BNC2: variants seen among roughly 807,000 people sequenced by gnomAD.
The protein encoded by BNC2 is basonuclin zinc finger protein 2.
BNC2 carries 20 observed loss-of-function variants against 76.3 expected under a neutral mutation model. That is an observed-to-expected ratio of 0.26 (90% CI 0.18 to 0.38). The LOEUF is 0.38. BNC2 is among the 10% of genes least tolerant of loss of function. The probability of loss-of-function intolerance (pLI) is 1.00; values close to 1 mark genes in which losing one functional copy is unlikely to be tolerated. For synonymous variants in BNC2, 582 were observed against 514.8 expected (o/e 1.13, Z -1.77); for missense variants, 1,382 against 1,399.8 (o/e 0.99, Z 0.20).
chr9:16,582,669 T>C (rs1479181591), intron 4 of BNC2, among the ~76,000 whole-genome samples: 8 of 152,296 alleles, frequency 5.3e-5, no homozygotes, highest in African/African-American at 1.2e-4. Flanking sequence ...AACTGTGGTA[T>C]GTTTGAGTTT....
chr9:16,778,541 C>T (rs2135523959), intron 1 of BNC2, among the ~76,000 whole-genome samples: 1 of 152,310 alleles, frequency 6.6e-6, no homozygotes, highest in South Asian at 2.1e-4. Context: ...TATTATGTGT[C>T]AGATACTTTC....
intron 6 of BNC2, among the ~76,000 whole-genome samples, chr9:16,424,729 T>C (rs1269386976): frequency 6.6e-6 from 1 of 152,192 alleles, no homozygotes; most frequent in Admixed American, 6.5e-5. Context: ...ATTGTAAGAC[T>C]ACTGAGTCAA....
chr9:16,583,084 G>C lies in BNC2; in HGVS notation c.332C>G (p.Ala111Gly), dbSNP rs754284081. Residue 111 changes from alanine (A) to glycine (G), a missense_variant and splice_region_variant, in exon 4 of 7, where the codon GCC becomes GGC. By Grantham distance (60) the Ala-to-Gly change is moderately conservative (BLOSUM62 0). Transcript: ENST00000380672. ...TNLLFRMSQQ[A>G]IRCTLVNCTC... ...GCAGTTTACCAGTGTGCAACGGATG[G>C]CCTGAAAAATAAAGGAGGAAAAAAA... 1.2e-6 allele frequency: 2 copies of C among 1,613,500 alleles called. No individual in the cohort carries two copies. The highest frequency in any genetic ancestry group is 2.2e-5 in the South Asian group (2 of 91,074).
chr9:16,534,265 T>C (rs1178294914), intron 5 of BNC2, among the ~76,000 whole-genome samples: 1 of 152,144 alleles, frequency 6.6e-6, no homozygotes, highest in Non-Finnish European at 1.5e-5. Flanking sequence ...GTTTTAGTTT[T>C]ACAGTAAATA....
intron 1 of BNC2, among the ~76,000 whole-genome samples, chr9:16,841,707 T>A (rs1319075312): frequency 1.3e-5 from 2 of 152,106 alleles, no homozygotes; most frequent in Non-Finnish European, 2.9e-5. Context: ...GATAAAATAC[T>A]TCAAAATAAA....
At chr9:16,616,790 GGGAAGGAA>G (rs548575000) in intron 3 of BNC2, among the ~76,000 whole-genome samples, 2 of 10,338 alleles carry the variant, frequency 1.9e-4, no homozygotes, top group African/African-American at 3.0e-4. Flanking sequence ...GGAGGAAGGA[GGGAAGGAA>G]GGAAGGAAGG....
At chr9:16,708,750 GA>G (rs1318391208) in intron 3 of BNC2, among the ~76,000 whole-genome samples, 1 of 151,946 alleles carries the variant, frequency 6.6e-6, no homozygotes, top group Non-Finnish European at 1.5e-5. Flanking sequence ...AAGGAAGACC[GA>G]AGGAAAAAAG....
chr9:16,418,873 GCACACACACACACACACA>G lies in BNC2; in HGVS notation c.*98_*115del, dbSNP rs3223265. ...ATGTAGCCACAGAGCATACATAAAT[GCACACACACACACACACA>G]CACACACACCCCAAGTACATAAGCG... On this transcript the variant is annotated 3_prime_UTR_variant, in exon 7 of 7. Coordinates refer to ENST00000380672, the MANE Select transcript of BNC2 (RefSeq NM_017637.6). 1.3e-6 allele frequency: 1 copy of G among 760,222 alleles called. No individual in the cohort carries two copies. Among genetic ancestry groups the G allele is most frequent in the African/African-American group, 1.9e-5 (1 of 53,840 alleles). 47.1% of individuals were successfully genotyped at this position (760,222 alleles called of 1,614,324 possible).
At chr9:16,858,570 C>T (rs976552749) in intron 1 of BNC2, among the ~76,000 whole-genome samples, 3 of 152,220 alleles carry the variant, frequency 2.0e-5, no homozygotes, top group Non-Finnish European at 2.9e-5. Flanking sequence ...TCTGGCCAGG[C>T]GCGGTGGCTC....
chr9:16,551,056 C>T (rs1818647722), intron 5 of BNC2, among the ~76,000 whole-genome samples: 1 of 152,120 alleles, frequency 6.6e-6, no homozygotes, highest in Non-Finnish European at 1.5e-5. Context: ...CCTGACCGTC[C>T]AAGACTTATC....
intron 1 of BNC2, among the ~76,000 whole-genome samples, chr9:16,854,170 G>A (rs1454448556): frequency 6.6e-6 from 1 of 152,084 alleles, no homozygotes; most frequent in African/African-American, 2.4e-5. Flanking sequence ...ATGTTCAAGT[G>A]TTTTAAAAGG....
At chr9:16,560,548 A>C (rs1018316420) in intron 4 of BNC2, among the ~76,000 whole-genome samples, 14 of 36,814 alleles carry the variant, frequency 3.8e-4, no homozygotes, top group South Asian at 1.3e-3. Flanking sequence ...CATGTCCACA[A>C]AAAAAAAATA....
Position 16,598,310 on chromosome 9 carries a change from G to T in BNC2, c.331-15225C>A, listed in dbSNP as rs367928191. On this transcript the variant is annotated intron_variant, in intron 3 of 6. Coordinates refer to ENST00000380672, the MANE Select transcript of BNC2 (RefSeq NM_017637.6). ...GGACATAACTTTTGTAAAATTATGT[G>T]AATTAAAAAATAAAAGTGATGAAGT... is the stretch of plus-strand genomic sequence containing the variant. Among the ~76,000 whole-genome samples, 13 of 152,204 alleles carry T rather than the reference G, an allele frequency of 8.5e-5. No individual in the cohort carries two copies. The South Asian group carries it at 2.7e-3, about 32-fold the overall frequency.
At chr9:16,502,748 T>G (rs902342665) in intron 5 of BNC2, among the ~76,000 whole-genome samples, 1 of 152,178 alleles carries the variant, frequency 6.6e-6, no homozygotes, top group Non-Finnish European at 1.5e-5. Context: ...TATAAAGATG[T>G]TCCATTTCAA....
chr9:16,848,409 T>C (rs1586933075), intron 1 of BNC2, among the ~76,000 whole-genome samples: 2 of 152,098 alleles, frequency 1.3e-5, no homozygotes, highest in African/African-American at 2.4e-5. Flanking sequence ...GATAAAGCAT[T>C]CAGAACCTAT....
At chr9:16,578,195 T>G (rs1347689573) in intron 4 of BNC2, among the ~76,000 whole-genome samples, 1 of 152,168 alleles carries the variant, frequency 6.6e-6, no homozygotes. Flanking sequence ...TCAAATATCA[T>G]GGGATAAAAA....
intron 5 of BNC2, among the ~76,000 whole-genome samples, chr9:16,482,759 C>T (rs1822086412): frequency 6.6e-6 from 1 of 152,182 alleles, no homozygotes; most frequent in East Asian, 1.9e-4. Flanking sequence ...GAGGAATCAA[C>T]CTCTGTATCA....
chr9:16,582,331 G>T (rs1374926213), intron 4 of BNC2, among the ~76,000 whole-genome samples: 1 of 152,064 alleles, frequency 6.6e-6, no homozygotes, highest in East Asian at 1.9e-4. Flanking sequence ...ACGGCTCTGT[G>T]CACCTGGCAA....
At chr9:16,442,638 G>A (rs1009976393) in intron 5 of BNC2, among the ~76,000 whole-genome samples, 2 of 152,166 alleles carry the variant, frequency 1.3e-5, no homozygotes, top group African/African-American at 4.8e-5. Flanking sequence ...TCAGACTGTC[G>A]AGGGACCTCA....
Sources: allele counts gnomAD v4.1 joint callset (sites outside exome capture counted in the v4.1 genomes callset), GRCh38; gene constraint gnomAD v4.1.1; transcripts MANE v1.5; gene names NCBI Gene and HGNC (gene_info 2026-07-23, HGNC 2026-07-21).